ADCY4: variants seen among roughly 807,000 people sequenced by gnomAD.
The protein encoded by ADCY4 is adenylate cyclase 4.
In ADCY4, 111 loss-of-function variants were observed where a neutral mutation model predicts 125.5. The observed-to-expected ratio is 0.88, with a 90% CI of 0.76 to 1.04. The LOEUF is 1.04. Ranked by LOEUF, ADCY4 falls within the 50% of genes least tolerant of loss-of-function variation. The pLI is 0.00. For synonymous variants in ADCY4, 576 were observed against 586.9 expected (o/e 0.98, Z 0.27); for missense variants, 1,256 against 1,382.9 (o/e 0.91, Z 1.46).
intron 6 of ADCY4, 51 bp from the exon 7 acceptor site, chr14:24,330,346 G>A (rs1242720296): frequency 6.2e-7 from 1 of 1,606,162 alleles, no homozygotes; most frequent in Non-Finnish European, 8.5e-7. Context: ...AGGTCAGAAG[G>A]GTAGGAGGGA....
rs767161772 is a variant in ADCY4, at chr14:24,322,922, A to G, written c.2324T>C (p.Leu775Pro). 1.9e-6 allele frequency: 3 copies of G among 1,605,014 alleles called. No individual in the cohort carries two copies. The South Asian group carries it at 3.3e-5, about 18-fold the overall frequency. ...TGCACACCTGGAGTCCAAGGGGCCC[A>G]GATAGAGGCGGACGATGAGGCATTC... is the stretch of plus-strand genomic sequence containing the variant. ...LSECLIVRLY[L>P]GPLDSRPGVL... The change falls in exon 18 of 25, where the codon CTG (leucine) becomes CCG (proline). Residue 775 changes from leucine to proline, a missense_variant. Physicochemically the swap from Leu to Pro is moderately conservative, Grantham distance 98. Transcript: ENST00000418030.
In ADCY4 at chr14:24,326,896, ATTT is replaced by A. The variant is rs3078135; in HGVS notation, c.1525-557_1525-555del. On this transcript the variant is annotated intron_variant, in intron 10 of 24. Transcript: ENST00000418030. ...GGCATGAGCCACCGTACCTGGCTGG[ATTT>A]TTTTTTTTTTTTTTGCAACGGAGTT... Among the ~76,000 whole-genome samples, 24 of 109,916 alleles carry A rather than the reference ATTT, an allele frequency of 2.2e-4. 1 individual carries two copies. The highest frequency in any genetic ancestry group is 9.4e-4 in the South Asian group (3 of 3,192). 72.1% of individuals were successfully genotyped at this position (109,916 alleles called of 152,430 possible).
intron 17 of ADCY4, 112 bp from the exon 18 acceptor site, chr14:24,323,200 G>A: frequency 7.1e-7 from 1 of 1,406,480 alleles, no homozygotes; most frequent in Admixed American, 2.0e-5. Flanking sequence ...GGAGACAGGG[G>A]GCATCATACA....
chr14:24,319,861 C>T lies in ADCY4; in HGVS notation c.2614G>A (p.Val872Ile), dbSNP rs142384811. 1.2e-5 allele frequency: 19 copies of T among 1,613,734 alleles called. No homozygotes were observed. The highest frequency in any genetic ancestry group is 7.7e-5 in the South Asian group (7 of 91,070). The change falls in exon 21 of 25, where the codon GTT (valine) becomes ATT (isoleucine). Residue 872 changes from valine to isoleucine, a missense_variant. By Grantham distance (29) the Val-to-Ile change is conservative (BLOSUM62 3). Coordinates refer to ENST00000418030, the MANE Select transcript of ADCY4 (RefSeq NM_001198568.2). The surrounding 1 kb of genome is among the most constrained non-coding windows in gnomAD (Gnocchi z 4.5). Reference sequence around the variant, plus strand: ...GGGACTGAGGCGAAGAGGACACAAACGCATTCATAGGACTGGTGGTAGAGA... The same window carrying T: ...GGGACTGAGGCGAAGAGGACACAAATGCATTCATAGGACTGGTGGTAGAGA... ...EDLYHQSYEC[V>I]CVLFASVPDF... is the part of the protein sequence containing the mutation.
rs368960669 is a variant in ADCY4 at position 24,326,161 on chromosome 14, G to A, written c.1573C>T (p.Arg525Cys). The change falls in exon 12 of 25, where the codon CGT becomes TGT. Residue 525 changes from arginine to cysteine, a missense_variant. Transcript: ENST00000418030. ...TCATCATCTAGTCCCCGGGGGGTAC[G>A]GCTCCTGCACAGTGAGAGCCAAGTC... ...FSTQWSLDRS[R>C]TPRGLDDELD... The A allele has an allele frequency of 3.1e-6, 5 of 1,598,522 alleles. No individual in the cohort carries two copies. Among genetic ancestry groups the A allele is most frequent in the East Asian group, 2.2e-5 (1 of 44,552 alleles).
intron 6 of ADCY4, 40 bp from the exon 7 acceptor site, chr14:24,330,335 G>A: frequency 2.5e-6 from 4 of 1,611,776 alleles, no homozygotes; most frequent in Non-Finnish European, 3.4e-6. Context: ...AACCTGGTTA[G>A]AGGTCAGAAG....
At chr14:24,325,262 G>A (rs1431112529) in intron 14 of ADCY4, 115 bp downstream of exon 14, 1 of 776,860 alleles carries the variant, frequency 1.3e-6, no homozygotes. Flanking sequence ...TCCTCTGTGG[G>A]TAAGTGCCTG....
chr14:24,330,379 CG>C (rs1190140249), intron 6 of ADCY4, 84 bp from the exon 7 acceptor site: 74 of 1,584,480 alleles, frequency 4.7e-5, no homozygotes, highest in Non-Finnish European at 6.2e-5. Context: ...GGGCAGCGAG[CG>C]GGGTATTCCT....
chr14:24,325,704 C>T, intron 13 of ADCY4, 114 bp downstream of exon 13: 4 of 1,274,154 alleles, frequency 3.1e-6, no homozygotes, highest in Non-Finnish European at 4.4e-6. Flanking sequence ...AGCTCCTCAC[C>T]CCTAGGATCA....
At chr14:24,332,467 T>C (rs763203453) in intron 3 of ADCY4, 55 bp downstream of exon 3, 12 of 1,530,356 alleles carry the variant, frequency 7.8e-6, no homozygotes, top group Admixed American at 6.0e-5. Flanking sequence ...AAAAGGAGCC[T>C]ACTAGCACGT....
chr14:24,330,056 C>T (rs2042017136), intron 7 of ADCY4, 38 bp from the exon 8 acceptor site: 1 of 1,601,754 alleles, frequency 6.2e-7, no homozygotes, highest in Admixed American at 1.7e-5. Context: ...GAGTCCTACC[C>T]TCAGCCCTGC....
intron 19 of ADCY4, 72 bp downstream of exon 19, chr14:24,322,552 T>C: frequency 6.6e-7 from 1 of 1,511,500 alleles, no homozygotes; most frequent in Non-Finnish European, 9.1e-7. Flanking sequence ...CCCTGGAGAT[T>C]AGAAAGATCA....
chr14:24,329,172 C>G lies in ADCY4; in HGVS notation c.1413G>C (p.Lys471Asn), dbSNP rs2041998714. 12 of 1,613,872 alleles carry G rather than the reference C, an allele frequency of 7.4e-6. No individual in the cohort carries two copies. The highest frequency in any genetic ancestry group is 1.0e-5 in the Non-Finnish European group (12 of 1,179,942). The change falls in exon 10 of 25, where the codon AAG becomes AAC. Residue 471 changes from lysine to asparagine, a missense_variant. By Grantham distance (94) the Lys-to-Asn change is moderately conservative. Coordinates refer to ENST00000418030, the MANE Select transcript of ADCY4 (RefSeq NM_001198568.2). The stretch of plus-strand genomic sequence containing the variant: ...GGGTCATCAGCAGTGATGGACGCAT[C>G]TTGAGGCCCTCAAGCGAGGACAGCA... Reference protein sequence around the residue: ...GGLLSSLEGLKMRPSLLMTRY... With the variant: ...GGLLSSLEGLNMRPSLLMTRY...
At chr14:24,333,112 A>G (rs1251659965) in intron 1 of ADCY4, 124 bp from the exon 2 acceptor site, 32 of 941,726 alleles carry the variant, frequency 3.4e-5, no homozygotes, top group Non-Finnish European at 4.6e-5. Flanking sequence ...AAGTACGAAA[A>G]GGAGGCAAGG....
chr14:24,325,729 T>C, intron 13 of ADCY4, 89 bp downstream of exon 13: 5 of 1,456,542 alleles, frequency 3.4e-6, no homozygotes, highest in South Asian at 2.5e-5. Flanking sequence ...CTGAGCAGAC[T>C]TGGGGAGGAG....
intron 20 of ADCY4, among the ~76,000 whole-genome samples, chr14:24,320,094 A>G (rs1173366063): frequency 3.9e-5 from 6 of 152,156 alleles, no homozygotes. Flanking sequence ...TCTAGAAGAG[A>G]CAGAGGTTTG....
intron 5 of ADCY4, 24 bp downstream of exon 5, chr14:24,331,184 C>T: frequency 6.2e-7 from 1 of 1,613,872 alleles, no homozygotes; most frequent in Non-Finnish European, 8.5e-7. Context: ...CAGGCCCCTC[C>T]CCTCCAGCCA....
intron 10 of ADCY4, chr14:24,328,842 T>C (rs2041993340): frequency 4.9e-6 from 3 of 610,632 alleles, no homozygotes; most frequent in Non-Finnish European, 8.5e-6. Context: ...GGATCTTGTA[T>C]CTTCTCTGAG....
intron 23 of ADCY4, 35 bp from the exon 24 acceptor site, chr14:24,318,813 A>G: frequency 6.2e-7 from 1 of 1,613,278 alleles, no homozygotes; most frequent in African/African-American, 1.3e-5. Flanking sequence ...GACTTGGAGA[A>G]GGAAGAGGGG....
Sources: gnomAD v4.1 joint callset for allele counts (sites outside exome capture counted in the v4.1 genomes callset) on GRCh38, gnomAD v4.1.1 for gene constraint, Gnocchi (gnomAD v3.1) non-coding constraint, MANE v1.5 for transcripts, NCBI Gene and HGNC (gene_info 2026-07-23, HGNC 2026-07-21) for gene names.